EDIL3: variants seen among roughly 807,000 people sequenced by gnomAD.
EDIL3 encodes the protein EGF-like repeat and discoidin I-like domain-containing protein 3.
EDIL3 carries 37 observed loss-of-function variants against 67.4 expected under a neutral mutation model. The observed-to-expected ratio is 0.55, with a 90% CI of 0.42 to 0.72. The LOEUF (loss-of-function observed/expected upper bound fraction) is 0.72, where lower values mean the gene tolerates loss of function less well. Among genes scored for constraint, EDIL3 ranks in the 30% least tolerant of loss-of-function variants. The pLI is 0.00. For synonymous variants in EDIL3, 195 were observed against 196.3 expected (o/e 0.99, Z 0.05); for missense variants, 527 against 586.3 (o/e 0.90, Z 1.04).
At chr5:83,955,620 T>G (rs1031591786) in intron 10 of EDIL3, among the ~76,000 whole-genome samples, 1 of 151,740 alleles carries the variant, frequency 6.6e-6, no homozygotes, top group African/African-American at 2.4e-5. Context: ...CGATGTTTCA[T>G]AGCATCTGTA....
chr5:84,288,711 CT>C, intron 1 of EDIL3, among the ~76,000 whole-genome samples: 1 of 152,238 alleles, frequency 6.6e-6, no homozygotes, highest in East Asian at 1.9e-4. Flanking sequence ...TCTCAGAAAG[CT>C]TTCCCCTGAC....
chr5:84,300,664 A>G (rs546849357), intron 1 of EDIL3, among the ~76,000 whole-genome samples: 1 of 152,344 alleles, frequency 6.6e-6, no homozygotes, highest in Admixed American at 6.5e-5. Flanking sequence ...ACAGAAATTC[A>G]TCCTTAAGAA....
chr5:84,229,955 A>C (rs1193959093), intron 2 of EDIL3, 71 bp from the exon 3 acceptor site: 2 of 1,383,426 alleles, frequency 1.4e-6, no homozygotes, highest in African/African-American at 2.9e-5. Flanking sequence ...GGAGAGAGAA[A>C]GAAAGAGAAA....
At chr5:83,970,310 C>A (rs928996365) in intron 9 of EDIL3, among the ~76,000 whole-genome samples, 10 of 133,646 alleles carry the variant, frequency 7.5e-5, no homozygotes, top group Admixed American at 4.4e-4. Context: ...TGTCTATTAC[C>A]TATTGGATTA....
At chr5:84,134,028 T>C (rs1211950251) in intron 5 of EDIL3, among the ~76,000 whole-genome samples, 1 of 152,074 alleles carries the variant, frequency 6.6e-6, no homozygotes, top group East Asian at 1.9e-4. Context: ...TTCATTGTTA[T>C]TGAAAATGTT....
At chr5:84,130,927 G>A (rs1747953677) in intron 5 of EDIL3, among the ~76,000 whole-genome samples, 1 of 152,018 alleles carries the variant, frequency 6.6e-6, no homozygotes, top group East Asian at 1.9e-4. Context: ...TAATGCCACA[G>A]GAATTTTTAA....
intron 1 of EDIL3, among the ~76,000 whole-genome samples, chr5:84,267,260 T>C (rs377483874): frequency 6.6e-6 from 1 of 152,334 alleles, no homozygotes; most frequent in East Asian, 1.9e-4. Context: ...ACCCTTCTTA[T>C]CTTTTGGAAA....
intron 6 of EDIL3, among the ~76,000 whole-genome samples, chr5:84,073,644 T>C (rs1158006847): frequency 4.0e-5 from 6 of 151,790 alleles, no homozygotes; most frequent in South Asian, 2.1e-4. Flanking sequence ...TTACAAGGGA[T>C]GTGAAGGACC....
chr5:84,371,460 GAGAGAGAGAGAGAGAGAA>G (rs1203540987), intron 1 of EDIL3, among the ~76,000 whole-genome samples: 2 of 144,638 alleles, frequency 1.4e-5, no homozygotes, highest in African/African-American at 2.6e-5. Context: ...TAGAGAGAGA[GAGAGAGAGAGAGAGAGAA>G]AGAGAGAGAG....
intron 10 of EDIL3, among the ~76,000 whole-genome samples, chr5:83,959,121 G>C (rs1413911274): frequency 6.7e-6 from 1 of 150,030 alleles, no homozygotes; most frequent in East Asian, 2.0e-4. Flanking sequence ...TTTTTCTTCA[G>C]TTGACTTTTG....
chr5:84,155,715 ACT>A (rs1748479045), intron 4 of EDIL3, among the ~76,000 whole-genome samples: 1 of 151,992 alleles, frequency 6.6e-6, no homozygotes, highest in Non-Finnish European at 1.5e-5. Flanking sequence ...ATAACCATCA[ACT>A]CTTTTTCAAG....
intron 6 of EDIL3, among the ~76,000 whole-genome samples, chr5:84,089,457 T>C (rs1747126710): frequency 6.6e-6 from 1 of 152,238 alleles, no homozygotes; most frequent in Admixed American, 6.5e-5. Context: ...GCCCTCCTTA[T>C]ATCTGCCTCC....
At chr5:83,959,954 T>C (rs1744578487) in intron 10 of EDIL3, among the ~76,000 whole-genome samples, 1 of 151,036 alleles carries the variant, frequency 6.6e-6, no homozygotes, top group African/African-American at 2.4e-5. Flanking sequence ...ATTTGTTTTA[T>C]AAAATTCTTT....
chr5:84,140,687 T>C (rs1301895066), intron 4 of EDIL3, among the ~76,000 whole-genome samples: 1 of 152,162 alleles, frequency 6.6e-6, no homozygotes, highest in Non-Finnish European at 1.5e-5. Flanking sequence ...ACCTTTTCAT[T>C]GTTTAAATGT....
At chr5:83,968,204 G>A (rs1744730102) in intron 9 of EDIL3, among the ~76,000 whole-genome samples, 1 of 151,976 alleles carries the variant, frequency 6.6e-6, no homozygotes. Context: ...CATATTTGCA[G>A]GGCAACTAGT....
intron 6 of EDIL3, among the ~76,000 whole-genome samples, chr5:84,067,764 A>T (rs1024514296): frequency 6.6e-6 from 1 of 152,082 alleles, no homozygotes; most frequent in Middle Eastern, 3.2e-3. Flanking sequence ...CCCCGTTGAA[A>T]CCTCATAAAA....
chr5:83,985,399 T>G (rs1688045410), intron 9 of EDIL3, among the ~76,000 whole-genome samples: 1 of 152,138 alleles, frequency 6.6e-6, no homozygotes, highest in Non-Finnish European at 1.5e-5. Flanking sequence ...TTTTCTTTGC[T>G]CTTGCTTATA....
chr5:84,232,793 C>T (rs1409075881), intron 2 of EDIL3, among the ~76,000 whole-genome samples: 1 of 152,110 alleles, frequency 6.6e-6, no homozygotes, highest in Admixed American at 6.5e-5. Flanking sequence ...CTTTAGTTAT[C>T]TCTGTAACAA....
intron 2 of EDIL3, among the ~76,000 whole-genome samples, chr5:84,230,686 C>A (rs1053098308): frequency 6.6e-6 from 1 of 152,016 alleles, no homozygotes; most frequent in Non-Finnish European, 1.5e-5. Context: ...GGATTACAGG[C>A]ATGAGCCACC....
Sources: gnomAD v4.1 joint callset for allele counts (sites outside exome capture counted in the v4.1 genomes callset) on GRCh38, gnomAD v4.1.1 for gene constraint, MANE v1.5 for transcripts, NCBI Gene and HGNC (gene_info 2026-07-23, HGNC 2026-07-21) for gene names.